IL6ST: variants seen among roughly 807,000 people sequenced by gnomAD.
IL6ST encodes interleukin 6 cytokine family signal transducer, also known as interleukin-6 receptor subunit beta.
In IL6ST, 24 loss-of-function variants were observed where a neutral mutation model predicts 91.3. The observed-to-expected ratio is 0.26, with a 90% CI of 0.19 to 0.37. The LOEUF is 0.37. Ranked by LOEUF, IL6ST falls within the 10% of genes least tolerant of loss-of-function variation. The pLI is 1.00. For missense variants in IL6ST, 914 were observed against 1,078.5 expected, an observed-to-expected ratio of 0.85 and a Z score of 2.14; for synonymous variants, 351 against 373.6, an observed-to-expected ratio of 0.94 and a Z score of 0.70.
chr5:55,960,031 G>A (rs547700269), intron 8 of IL6ST, among the ~76,000 whole-genome samples: 342 of 151,944 alleles, frequency 2.3e-3, no homozygotes, highest in Non-Finnish European at 3.4e-3. Flanking sequence ...GACTACAGGC[G>A]CCCACCACCA....
chr5:55,962,391 G>T (rs1752370483), intron 7 of IL6ST, among the ~76,000 whole-genome samples: 1 of 152,180 alleles, frequency 6.6e-6, no homozygotes, highest in South Asian at 2.1e-4. Flanking sequence ...GAAGAGTATG[G>T]ATAGCTGAAT....
rs1432274964 is a variant in IL6ST, at chr5:55,937,365, A to T, written c.*3717T>A. 4.7e-6 allele frequency: 1 copy of T among 212,066 alleles called. No homozygotes were observed. Among genetic ancestry groups the T allele is most frequent in the Admixed American group, 5.9e-5 (1 of 16,998 alleles). 13.1% of individuals were successfully genotyped at this position (212,066 alleles called of 1,614,324 possible). A position where few individuals can be genotyped will look rare whatever the true frequency, so the allele number is the denominator to read the frequency against. On this transcript the variant is annotated 3_prime_UTR_variant, in exon 17 of 17. Transcript: ENST00000381298. ...CACCTTTTAATTTTTAATGCAATGTATATGAGAATATCATGCTAATGCACA... is the reference window on the plus strand; with the variant it reads ...CACCTTTTAATTTTTAATGCAATGTTTATGAGAATATCATGCTAATGCACA...
In IL6ST at chr5:55,938,038, T is replaced by C. The variant is rs1750646435; in HGVS notation, c.*3044A>G. 1 of 188,258 alleles carries C rather than the reference T, an allele frequency of 5.3e-6. No homozygotes were observed. Among genetic ancestry groups the C allele is most frequent in the African/African-American group, 2.3e-5 (1 of 42,928 alleles). The allele number at this position is 188,258 out of a possible 1,614,324, so 11.7% of individuals were successfully genotyped here. On this transcript the variant is annotated 3_prime_UTR_variant, in exon 17 of 17. Coordinates refer to ENST00000381298, the MANE Select transcript of IL6ST (RefSeq NM_002184.4). The stretch of plus-strand genomic sequence containing the variant: ...TAAATGGGTAGAAAAAAGACATCTT[T>C]AATAATTGATTTCTATTTCTCAAAC...
intron 10 of IL6ST, among the ~76,000 whole-genome samples, chr5:55,955,546 A>G (rs1204477292): frequency 6.6e-6 from 1 of 152,272 alleles, no homozygotes; most frequent in Non-Finnish European, 1.5e-5. Context: ...GCTACAGATA[A>G]ACGTTTCAGT....
chr5:55,952,139 C>G, intron 12 of IL6ST, 64 bp from the exon 13 acceptor site: 1 of 1,537,880 alleles, frequency 6.5e-7, no homozygotes, highest in South Asian at 1.2e-5. Context: ...ATTTCCTTGT[C>G]ATAAAATCAT....
chr5:55,940,498 T>C lies in IL6ST; in HGVS notation c.*584A>G, dbSNP rs1750832962. The C allele has an allele frequency of 4.7e-6, 1 of 213,096 alleles. No individual in the cohort carries two copies. 13.2% of individuals were successfully genotyped at this position (213,096 alleles called of 1,614,324 possible). A position where few individuals can be genotyped will look rare whatever the true frequency, so the allele number is the denominator to read the frequency against. On this transcript the variant is annotated 3_prime_UTR_variant, in exon 17 of 17. Coordinates refer to ENST00000381298, the MANE Select transcript of IL6ST (RefSeq NM_002184.4). ...CTCCAGTAATAACTCGCAGCATCACTACCAATGGAAGGGACCTAAGGAATA... is the reference window on the plus strand; with the variant it reads ...CTCCAGTAATAACTCGCAGCATCACCACCAATGGAAGGGACCTAAGGAATA...
chr5:55,953,561 G>A (rs1336398222), intron 11 of IL6ST, among the ~76,000 whole-genome samples: 1 of 152,080 alleles, frequency 6.6e-6, no homozygotes, highest in Non-Finnish European at 1.5e-5. Context: ...AGCTGATTTT[G>A]TTTTAGTAGA....
chr5:55,986,193 A>T (rs570559166), intron 1 of IL6ST, among the ~76,000 whole-genome samples: 1 of 152,206 alleles, frequency 6.6e-6, no homozygotes, highest in South Asian at 2.1e-4. Context: ...TACTTCTATC[A>T]TTGTTCAAAA....
At chr5:55,974,938 C>T (rs902728025) in intron 3 of IL6ST, among the ~76,000 whole-genome samples, 1 of 144,386 alleles carries the variant, frequency 6.9e-6, no homozygotes, top group African/African-American at 2.8e-5. Context: ...ATTATTCATA[C>T]ACACACACAC....
At chr5:55,958,219 C>A (rs1752101930) in intron 8 of IL6ST, among the ~76,000 whole-genome samples, 1 of 152,118 alleles carries the variant, frequency 6.6e-6, no homozygotes, top group Admixed American at 6.5e-5. Context: ...GATCCTCCCA[C>A]CTCAGCAACC....
chr5:55,990,584 CA>C (rs927250024), intron 1 of IL6ST, among the ~76,000 whole-genome samples: 6 of 152,180 alleles, frequency 3.9e-5, no homozygotes, highest in African/African-American at 1.4e-4. Context: ...TACCTTCAAA[CA>C]AAATAATTTC....
chr5:55,963,363 T>C lies in IL6ST; in HGVS notation c.802A>G (p.Thr268Ala). The change falls in exon 7 of 17, where the codon ACT becomes GCT. Residue 268 changes from threonine to alanine, a missense_variant. Physicochemically the swap from Thr to Ala is moderately conservative, Grantham distance 58. Coordinates refer to ENST00000381298, the MANE Select transcript of IL6ST (RefSeq NM_002184.4). ...NIQYRTKDAS[T>A]WSQIPPEDTA... ...AACTTTCAATTTACCTGGCTCCAAG[T>C]TGAGGCATCTTTGGTCCTATATTGA... 9 of 1,580,306 alleles carry C rather than the reference T, an allele frequency of 5.7e-6. No individual in the cohort carries two copies. The highest frequency in any genetic ancestry group is 1.2e-5 in the South Asian group (1 of 85,246).
Position 55,968,294 on chromosome 5 carries a change from A to G in IL6ST, c.473T>C (p.Phe158Ser). 1 of 1,590,960 alleles carries G rather than the reference A, an allele frequency of 6.3e-7. No individual in the cohort carries two copies. The highest frequency in any genetic ancestry group is 8.5e-7 in the Non-Finnish European group (1 of 1,172,132). The stretch of plus-strand genomic sequence containing the variant: ...AACGTACCATTCAGATTTTAAAGTG[A>G]AGTTTGTCTCCAAGTGTGTTTCCCT... ...GGRETHLETN[F>S]TLKSEWATHK... The change falls in exon 5 of 17, where the codon TTC becomes TCC. Residue 158 changes from phenylalanine (F) to serine (S), a missense_variant. Coordinates refer to ENST00000381298, the MANE Select transcript of IL6ST (RefSeq NM_002184.4).
intron 1 of IL6ST, among the ~76,000 whole-genome samples, chr5:55,983,608 C>A (rs1028635802): frequency 2.6e-5 from 4 of 152,126 alleles, no homozygotes; most frequent in Admixed American, 2.6e-4. Context: ...GTTTCATACA[C>A]ATTAAGCCTT....
At chr5:55,975,689 T>C (rs1753247546) in intron 3 of IL6ST, among the ~76,000 whole-genome samples, 2 of 152,140 alleles carry the variant, frequency 1.3e-5, no homozygotes, top group South Asian at 4.1e-4. Flanking sequence ...TTAAATGTAA[T>C]ACAGGCAACT....
At chr5:55,960,805 C>T (rs991814217) in intron 7 of IL6ST, among the ~76,000 whole-genome samples, 2 of 151,646 alleles carry the variant, frequency 1.3e-5, no homozygotes, top group Admixed American at 6.6e-5. Flanking sequence ...AATTTCTGTA[C>T]TTTTTTAGTA....
At chr5:55,965,814 C>CAA (rs34297008) in intron 5 of IL6ST, among the ~76,000 whole-genome samples, 22 of 58,558 alleles carry the variant, frequency 3.8e-4, no homozygotes, top group African/African-American at 1.1e-3. Flanking sequence ...AACTCTGTCT[C>CAA]AAAAAAAAAA....
At position 55,936,371 on chromosome 5, in the gene IL6ST, C is replaced by T. The variant is rs527441157; in HGVS notation, c.*4711G>A. On this transcript the variant is annotated 3_prime_UTR_variant, in exon 17 of 17. Transcript: ENST00000381298. ...TTTTTTTTTTTTTTTTTTTAATGTC[C>T]ACTAGGAGGGAGGATGCTACGATTT... 5.1e-6 allele frequency: 1 copy of T among 197,958 alleles called. No individual in the cohort carries two copies. Among genetic ancestry groups the T allele is most frequent in the South Asian group, 2.0e-4 (1 of 4,962 alleles). The allele number at this position is 197,958 out of a possible 1,614,324, so 12.3% of individuals were successfully genotyped here.
Position 55,937,143 on chromosome 5 carries a change from C to T in IL6ST, c.*3939G>A, listed in dbSNP as rs1241507775. The T allele has an allele frequency of 4.8e-6, 1 of 210,172 alleles. No individual in the cohort carries two copies. Among genetic ancestry groups the T allele is most frequent in the African/African-American group, 2.3e-5 (1 of 43,980 alleles). 13.0% of individuals were successfully genotyped at this position (210,172 alleles called of 1,614,324 possible). On this transcript the variant is annotated 3_prime_UTR_variant, in exon 17 of 17. Coordinates refer to ENST00000381298, the MANE Select transcript of IL6ST (RefSeq NM_002184.4). The stretch of plus-strand genomic sequence containing the variant: ...GTTCAAGAGATAAAAGAACATCATT[C>T]AGACAAAGCCTGTGTTCAAGAAATA...
Sources: gnomAD v4.1 joint callset for allele counts (sites outside exome capture counted in the v4.1 genomes callset) on GRCh38, gnomAD v4.1.1 for gene constraint, MANE v1.5 for transcripts, NCBI Gene and HGNC (gene_info 2026-07-23, HGNC 2026-07-21) for gene names.